RASEF: variants seen among roughly 807,000 people sequenced by gnomAD.
The protein encoded by RASEF is RAS and EF-hand domain containing, also known as ras and EF-hand domain-containing protein.
In RASEF, 68 loss-of-function variants were observed where a neutral mutation model predicts 90.1. The ratio of observed to expected loss-of-function variants is 0.75; its 90% confidence interval spans 0.62 to 0.92. The LOEUF is 0.92. Among genes scored for constraint, RASEF ranks in the 40% least tolerant of loss-of-function variants. RASEF has a pLI of 0.00. For missense variants in RASEF, 949 were observed against 937.2 expected, an observed-to-expected ratio of 1.01 and a Z score of -0.16; for synonymous variants, 331 against 345.2, an observed-to-expected ratio of 0.96 and a Z score of 0.46.
chr9:83,195,258 A>C, the RASEF span, among the ~76,000 whole-genome samples: 1 of 152,208 alleles, frequency 6.6e-6, no homozygotes, highest in African/African-American at 2.4e-5. Flanking sequence ...AGTGTGAATT[A>C]CCTGCTTGGG....
intron 1 of RASEF, among the ~76,000 whole-genome samples, chr9:83,029,330 A>G (rs1417396288): frequency 1.3e-5 from 2 of 152,066 alleles, no homozygotes; most frequent in Non-Finnish European, 2.9e-5. Context: ...TTAACTCTGA[A>G]GCTTAGTTAA....
chr9:83,047,133 G>C (rs913652021), intron 1 of RASEF, among the ~76,000 whole-genome samples: 3 of 152,086 alleles, frequency 2.0e-5, no homozygotes, highest in African/African-American at 7.2e-5. Flanking sequence ...GCACGTGATG[G>C]GAAGGGGCTC....
chr9:83,090,194 A>T, the RASEF span, among the ~76,000 whole-genome samples: 4 of 152,050 alleles, frequency 2.6e-5, no homozygotes, highest in Non-Finnish European at 5.9e-5. Context: ...CTATTTTTTT[A>T]AATAATTTTC....
At chr9:83,144,374 A>AGAGAGAAAGAAAG in the RASEF span, among the ~76,000 whole-genome samples, 1 of 58,208 alleles carries the variant, frequency 1.7e-5, no homozygotes, top group Non-Finnish European at 3.3e-5. Context: ...AAAGAAAGAA[A>AGAGAGAAAGAAAG]GAAAGAAAGA....
the RASEF span, among the ~76,000 whole-genome samples, chr9:83,189,078 G>A: frequency 3.9e-5 from 6 of 152,158 alleles, no homozygotes; most frequent in African/African-American, 7.2e-5. Flanking sequence ...GGTTGGCTGC[G>A]TCCCCAACCA....
At chr9:83,203,314 C>T in the RASEF span, among the ~76,000 whole-genome samples, 16 of 150,926 alleles carry the variant, frequency 1.1e-4, no homozygotes, top group African/African-American at 3.9e-4. Flanking sequence ...CTCATTCTGT[C>T]ACCCGGGCTG....
chr9:83,069,122 T>C, the RASEF span, among the ~76,000 whole-genome samples: 1 of 152,216 alleles, frequency 6.6e-6, no homozygotes, highest in East Asian at 1.9e-4. Flanking sequence ...ATAAATAAAC[T>C]TGAGCGTTTC....
At chr9:83,087,983 T>C in the RASEF span, among the ~76,000 whole-genome samples, 1 of 152,196 alleles carries the variant, frequency 6.6e-6, no homozygotes, top group Non-Finnish European at 1.5e-5. Flanking sequence ...CTGATTTCCA[T>C]TGTGATTTCT....
At chr9:83,101,377 G>A in the RASEF span, among the ~76,000 whole-genome samples, 3 of 152,170 alleles carry the variant, frequency 2.0e-5, no homozygotes, top group African/African-American at 7.2e-5. Context: ...TACACTCCTG[G>A]TGGTAAGCAC....
the RASEF span, among the ~76,000 whole-genome samples, chr9:83,193,136 T>C: frequency 0.063 from 9,624 of 152,262 alleles, 379 homozygotes; most frequent in South Asian, 0.15. Flanking sequence ...GAAAATGGGA[T>C]AGAGCACCAT....
the RASEF span, among the ~76,000 whole-genome samples, chr9:83,112,238 A>T: frequency 6.6e-6 from 1 of 152,172 alleles, no homozygotes; most frequent in Non-Finnish European, 1.5e-5. Context: ...GCTATTTTAC[A>T]ATATATATGT....
intron 1 of RASEF, among the ~76,000 whole-genome samples, chr9:83,056,427 T>G (rs1830105285): frequency 6.6e-6 from 1 of 152,154 alleles, no homozygotes; most frequent in Admixed American, 6.6e-5. Context: ...CATACTGCAC[T>G]CAAGTGCTAC....
chr9:83,207,598 C>CTTTTT, the RASEF span, among the ~76,000 whole-genome samples: 518 of 85,434 alleles, frequency 6.1e-3, 14 homozygotes, highest in African/African-American at 0.02. Context: ...AGGAGGGCTG[C>CTTTTT]TTTTTTTTTT....
the RASEF span, among the ~76,000 whole-genome samples, chr9:83,162,857 G>C: frequency 6.6e-6 from 1 of 152,140 alleles, no homozygotes; most frequent in Non-Finnish European, 1.5e-5. Flanking sequence ...ATAACTCCAG[G>C]GGACCCAGTC....
the RASEF span, among the ~76,000 whole-genome samples, chr9:83,158,284 G>T: frequency 6.6e-6 from 1 of 151,984 alleles, no homozygotes; most frequent in South Asian, 2.1e-4. Context: ...TGGCATTATT[G>T]TGAATGCACT....
chr9:83,016,556 T>C (rs771049397), intron 3 of RASEF, among the ~76,000 whole-genome samples: 1 of 152,148 alleles, frequency 6.6e-6, no homozygotes, highest in Non-Finnish European at 1.5e-5. Flanking sequence ...AGTTTTATGT[T>C]GACAGCCAGT....
chr9:83,040,299 T>A (rs1275781933), intron 1 of RASEF, among the ~76,000 whole-genome samples: 4 of 152,196 alleles, frequency 2.6e-5, no homozygotes, highest in African/African-American at 9.7e-5. Context: ...TAAACCAATG[T>A]ATCAAATCTT....
chr9:83,211,364 C>A, the RASEF span, among the ~76,000 whole-genome samples: 1 of 152,138 alleles, frequency 6.6e-6, no homozygotes, highest in African/African-American at 2.4e-5. Context: ...AGCATGAAGT[C>A]AGCCAGACTC....
chr9:83,166,980 G>A, the RASEF span, among the ~76,000 whole-genome samples: 1 of 152,156 alleles, frequency 6.6e-6, no homozygotes, highest in East Asian at 1.9e-4. Flanking sequence ...AATAGGGCCT[G>A]GTTCCAGACT....
Sources: gnomAD v4.1 joint callset for allele counts (sites outside exome capture counted in the v4.1 genomes callset) on GRCh38, gnomAD v4.1.1 for gene constraint, MANE v1.5 for transcripts, NCBI Gene and HGNC (gene_info 2026-07-23, HGNC 2026-07-21) for gene names.